The following CADPS2 variants were observed in gnomAD, a reference collection of about 807,000 sequenced individuals.
The protein encoded by CADPS2 is calcium-dependent secretion activator 2.
Under a neutral mutation model 172.5 loss-of-function variants are expected in CADPS2, and 93 were observed. The observed-to-expected ratio is 0.54, with a 90% CI of 0.46 to 0.64. The LOEUF (loss-of-function observed/expected upper bound fraction) is 0.64, where lower values mean the gene tolerates loss of function less well. Ranked by LOEUF, CADPS2 falls within the 30% of genes least tolerant of loss-of-function variation. The pLI is 0.00. For missense variants in CADPS2, 1,420 were observed against 1,565.9 expected (o/e 0.91, Z 1.57); for synonymous variants, 546 against 555.2 (o/e 0.98, Z 0.23).
At chr7:122,407,427 T>C in intron 20 of CADPS2, 113 bp downstream of exon 20, 1 of 1,145,210 alleles carries the variant, frequency 8.7e-7, no homozygotes, top group Non-Finnish European at 1.2e-6. Context: ...ACCTAAATGT[T>C]ACCCATGCGA....
At chr7:122,836,433 T>G (rs185694775) in intron 1 of CADPS2, among the ~76,000 whole-genome samples, 2 of 152,062 alleles carry the variant, frequency 1.3e-5, no homozygotes, top group East Asian at 3.9e-4. Flanking sequence ...ATAACAATAT[T>G]AACCTTAAAT....
chr7:122,525,706 A>T (rs1193064960), intron 8 of CADPS2, among the ~76,000 whole-genome samples: 1 of 152,188 alleles, frequency 6.6e-6, no homozygotes, highest in African/African-American at 2.4e-5. Context: ...CCCAGATGGT[A>T]CAGCCTACTA....
chr7:122,438,496 C>T (rs960096050), intron 16 of CADPS2, 32 bp from the exon 17 acceptor site: 3 of 1,609,714 alleles, frequency 1.9e-6, no homozygotes, highest in Admixed American at 3.4e-5. Flanking sequence ...GGGTGAGGGG[C>T]AGGGTTGGGG....
At chr7:122,837,417 A>C (rs1366522243) in intron 1 of CADPS2, among the ~76,000 whole-genome samples, 1 of 152,232 alleles carries the variant, frequency 6.6e-6, no homozygotes, top group Non-Finnish European at 1.5e-5. Flanking sequence ...AAGGCAAGAA[A>C]TAACTAAGAT....
intron 1 of CADPS2, chr7:122,849,918 C>T (rs550908226): frequency 3.8e-4 from 214 of 563,668 alleles, no homozygotes; most frequent in Non-Finnish European, 6.3e-5. Context: ...ATGGCATCAG[C>T]TCTGGCCCAG....
At chr7:122,866,900 T>C (rs1052253213) in intron 1 of CADPS2, among the ~76,000 whole-genome samples, 8 of 152,194 alleles carry the variant, frequency 5.3e-5, no homozygotes, top group Non-Finnish European at 1.0e-4. Context: ...AGCCTCTGCA[T>C]ACCTCTCCAG....
chr7:122,409,581 A>G (rs1343137630), intron 19 of CADPS2: 2 of 466,414 alleles, frequency 4.3e-6, no homozygotes, highest in Non-Finnish European at 4.5e-6. Flanking sequence ...TGATGATGCT[A>G]TTCTTAATGA....
At position 122,732,974 on chromosome 7, in the gene CADPS2, T is replaced by C. The variant is rs142171999; in HGVS notation, c.453+3981A>G. Among the ~76,000 whole-genome samples the C allele has an allele frequency of 4.4e-3, 655 of 149,460 alleles. 5 individuals carry two copies. Among genetic ancestry groups the C allele is most frequent in the African/African-American group, 0.015 (631 of 40,998 alleles). Reference sequence around the variant, plus strand: ...AATGGCTATCACAGCTAAAGGATTGTAAACATAATAAATGAGCAAATTACC... The same window carrying C: ...AATGGCTATCACAGCTAAAGGATTGCAAACATAATAAATGAGCAAATTACC... On this transcript the variant is annotated intron_variant, in intron 2 of 29. Coordinates refer to ENST00000449022, the MANE Select transcript of CADPS2 (RefSeq NM_017954.11).
intron 1 of CADPS2, among the ~76,000 whole-genome samples, chr7:122,764,077 T>C (rs2093472696): frequency 6.6e-6 from 1 of 152,114 alleles, no homozygotes; most frequent in African/African-American, 2.4e-5. Context: ...CATTTGGAGC[T>C]CCCTCTGCCT....
intron 25 of CADPS2, among the ~76,000 whole-genome samples, chr7:122,361,435 T>C (rs1312660753): frequency 6.6e-6 from 1 of 151,960 alleles, no homozygotes; most frequent in East Asian, 1.9e-4. Flanking sequence ...GGTTTTACCA[T>C]ATTGGCCAGG....
chr7:122,574,926 C>A (rs1277362339), intron 7 of CADPS2, among the ~76,000 whole-genome samples: 1 of 151,982 alleles, frequency 6.6e-6, no homozygotes, highest in African/African-American at 2.4e-5. Context: ...CTGGCAGATG[C>A]CACCTTAACC....
chr7:122,812,246 A>G (rs1371443939), intron 1 of CADPS2, among the ~76,000 whole-genome samples: 1 of 151,138 alleles, frequency 6.6e-6, no homozygotes, highest in African/African-American at 2.4e-5. Context: ...AAACTGAAGT[A>G]AAAAAAAATA....
At chr7:122,515,835 AAAT>A (rs137879621) in intron 8 of CADPS2, among the ~76,000 whole-genome samples, 41,760 of 148,310 alleles carry the variant, frequency 0.28, 6,221 homozygotes, top group East Asian at 0.43. Context: ...ATTAATTAAA[AAAT>A]AATAATAATT....
intron 2 of CADPS2, among the ~76,000 whole-genome samples, chr7:122,708,458 G>C (rs916383404): frequency 7.0e-5 from 3 of 42,580 alleles, no homozygotes; most frequent in African/African-American, 1.7e-4. Flanking sequence ...ATATATGTGT[G>C]TGGATATATA....
At chr7:122,392,201 G>C (rs2044455625) in intron 22 of CADPS2, among the ~76,000 whole-genome samples, 1 of 151,938 alleles carries the variant, frequency 6.6e-6, no homozygotes. Context: ...ACTATTACTT[G>C]GTTCTGATTG....
chr7:122,814,893 T>C (rs1800930682), intron 1 of CADPS2, among the ~76,000 whole-genome samples: 1 of 152,144 alleles, frequency 6.6e-6, no homozygotes, highest in South Asian at 2.1e-4. Context: ...ATTTGCCATA[T>C]TCTGGGTAAG....
At chr7:122,708,520 GAT>G (rs57522086) in intron 2 of CADPS2, among the ~76,000 whole-genome samples, 40 of 116,332 alleles carry the variant, frequency 3.4e-4, no homozygotes, top group Middle Eastern at 6.3e-3. Context: ...TTGTATTCGA[GAT>G]ATATATATAT....
At chr7:122,794,752 T>TAAA (rs200069605) in intron 1 of CADPS2, among the ~76,000 whole-genome samples, 1 of 135,286 alleles carries the variant, frequency 7.4e-6, no homozygotes, top group Non-Finnish European at 1.6e-5. Flanking sequence ...GAAATCATTT[T>TAAA]AAAAAAAAAA....
chr7:122,544,333 GTAT>G (rs2063404171), intron 8 of CADPS2, among the ~76,000 whole-genome samples: 1 of 152,122 alleles, frequency 6.6e-6, no homozygotes, highest in Non-Finnish European at 1.5e-5. Context: ...TGCATTTGAT[GTAT>G]AATAGAAAAA....
Sources: allele counts gnomAD v4.1 joint callset (sites outside exome capture counted in the v4.1 genomes callset), GRCh38; gene constraint gnomAD v4.1.1; transcripts MANE v1.5; gene names NCBI Gene and HGNC (gene_info 2026-07-23, HGNC 2026-07-21).